Variants in ARHGAP24 observed in about 807,000 individuals in gnomAD.
ARHGAP24 encodes the protein Rho GTPase activating protein 24.
A neutral mutation model predicts 76.4 loss-of-function variants in ARHGAP24; 50 were observed. The observed-to-expected ratio is 0.65, with a 90% CI of 0.52 to 0.83. ARHGAP24 has a LOEUF of 0.83. ARHGAP24 is among the 40% of genes least tolerant of loss of function. The probability of loss-of-function intolerance (pLI) is 0.00; values close to 1 mark genes in which losing one functional copy is unlikely to be tolerated. For synonymous variants in ARHGAP24, 345 were observed against 323.3 expected (o/e 1.07, Z -0.72); for missense variants, 930 against 914.2 (o/e 1.02, Z -0.22).
At chr4:85,488,449 T>C (rs929015121) in intron 1 of ARHGAP24, among the ~76,000 whole-genome samples, 7 of 152,192 alleles carry the variant, frequency 4.6e-5, no homozygotes, top group Non-Finnish European at 1.0e-4. Flanking sequence ...TTATTCTAAA[T>C]GAAATACAGC....
At chr4:85,789,129 A>C (rs549920753) in intron 3 of ARHGAP24, among the ~76,000 whole-genome samples, 1 of 151,834 alleles carries the variant, frequency 6.6e-6, no homozygotes, top group South Asian at 2.1e-4. Context: ...CCCAGCACTC[A>C]ACCTCCAGAG....
rs1463871720 is a variant in ARHGAP24, at chr4:85,977,661, A to G, written c.898A>G (p.Lys300Glu). 1 of 1,613,934 alleles carries G rather than the reference A, an allele frequency of 6.2e-7. No individual in the cohort carries two copies. Among genetic ancestry groups the G allele is most frequent in the Non-Finnish European group, 8.5e-7 (1 of 1,179,846 alleles). ...CTTTGGTCCTAATATCCTGCGCCCC[A>G]AAGTGGAAGATCCTTTGACTATCAT... ...TVFGPNILRP[K>E]VEDPLTIMEG... Residue 300 changes from lysine (K) to glutamate (E), a missense_variant, in exon 8 of 10, where the codon AAA becomes GAA. Physicochemically the swap from Lys to Glu is moderately conservative, Grantham distance 56 (BLOSUM62 1). Coordinates refer to ENST00000395184, the MANE Select transcript of ARHGAP24 (RefSeq NM_001025616.3).
At chr4:85,657,093 T>C (rs1276001495) in intron 2 of ARHGAP24, among the ~76,000 whole-genome samples, 2 of 152,212 alleles carry the variant, frequency 1.3e-5, no homozygotes, top group Non-Finnish European at 2.9e-5. Flanking sequence ...ATAATTTTTG[T>C]CTCGTTTTTA....
chr4:85,489,821 G>A (rs960834020), intron 1 of ARHGAP24, among the ~76,000 whole-genome samples: 1 of 152,136 alleles, frequency 6.6e-6, no homozygotes, highest in Admixed American at 6.5e-5. Flanking sequence ...TGGCTTGTGA[G>A]GGTTAGAACT....
intron 1 of ARHGAP24, among the ~76,000 whole-genome samples, chr4:85,482,481 A>C (rs1276139883): frequency 6.6e-6 from 1 of 152,086 alleles, no homozygotes; most frequent in African/African-American, 2.4e-5. Flanking sequence ...GAACTGCCTC[A>C]TGAGGAGCTC....
At chr4:85,659,679 G>C (rs570284516) in intron 2 of ARHGAP24, among the ~76,000 whole-genome samples, 3 of 152,262 alleles carry the variant, frequency 2.0e-5, no homozygotes, top group Admixed American at 6.5e-5. Flanking sequence ...CATAAGGGTT[G>C]TAATTACTAT....
intron 3 of ARHGAP24, among the ~76,000 whole-genome samples, chr4:85,881,470 T>A (rs76707547): frequency 2.8e-4 from 41 of 146,026 alleles, no homozygotes; most frequent in African/African-American, 9.1e-4. Context: ...GTTTTTTTTT[T>A]AATTTTTTAA....
chr4:85,965,676 A>G (rs1465419775), intron 5 of ARHGAP24, among the ~76,000 whole-genome samples: 2 of 152,176 alleles, frequency 1.3e-5, no homozygotes, highest in Admixed American at 6.6e-5. Context: ...TAAAATATCA[A>G]TGCCAAAGCT....
chr4:85,606,189 AGG>A (rs899387637), intron 2 of ARHGAP24, among the ~76,000 whole-genome samples: 1 of 152,196 alleles, frequency 6.6e-6, no homozygotes, highest in Non-Finnish European at 1.5e-5. Context: ...CAGACCTCAA[AGG>A]GGCATTTAGG....
rs564544625 is a variant in ARHGAP24 at position 85,948,670 on chromosome 4, G to A, written c.599+6397G>A. On this transcript the variant is annotated intron_variant, in intron 5 of 9. Coordinates refer to ENST00000395184, the MANE Select transcript of ARHGAP24 (RefSeq NM_001025616.3). ...AAATGTATGTATTTTTGCATAAAAC[G>A]CACCAATGCATAAACAGACTGAAGA... 3.3e-5 allele frequency among the ~76,000 whole-genome samples: 5 copies of A among 152,142 alleles called. No homozygotes were observed. In the South Asian group the frequency reaches 6.2e-4, roughly 19 times the overall value.
intron 2 of ARHGAP24, among the ~76,000 whole-genome samples, chr4:85,687,031 C>T (rs547767280): frequency 2.0e-5 from 3 of 152,056 alleles, no homozygotes; most frequent in Non-Finnish European, 2.9e-5. Flanking sequence ...GGGGAGAAAA[C>T]ATACCTGTAT....
chr4:85,778,758 C>T (rs1317143489), intron 3 of ARHGAP24: 14 of 985,174 alleles, frequency 1.4e-5, no homozygotes, highest in Non-Finnish European at 1.7e-5. Flanking sequence ...AAATTAGCTA[C>T]AGGAAGAGTT....
At chr4:85,502,181 G>C (rs939061631) in intron 1 of ARHGAP24, among the ~76,000 whole-genome samples, 2 of 152,092 alleles carry the variant, frequency 1.3e-5, no homozygotes, top group African/African-American at 4.8e-5. Flanking sequence ...TGTTCTTTTT[G>C]CTTAGGATTG....
At chr4:85,612,551 T>A (rs1036884990) in intron 2 of ARHGAP24, among the ~76,000 whole-genome samples, 1 of 152,106 alleles carries the variant, frequency 6.6e-6, no homozygotes, top group Non-Finnish European at 1.5e-5. Context: ...TCTAAAGCTG[T>A]ATACTAAAAG....
intron 2 of ARHGAP24, among the ~76,000 whole-genome samples, chr4:85,676,049 A>G (rs973393058): frequency 2.4e-4 from 36 of 152,210 alleles, no homozygotes; most frequent in African/African-American, 8.7e-4. Flanking sequence ...TTCCTAAGTT[A>G]TAAATAATTG....
At chr4:85,612,255 A>G (rs1327800800) in intron 2 of ARHGAP24, among the ~76,000 whole-genome samples, 2 of 151,986 alleles carry the variant, frequency 1.3e-5, no homozygotes, top group East Asian at 3.9e-4. Flanking sequence ...CGTCTCTACT[A>G]AAAATACAAA....
chr4:85,778,068 G>C (rs529918103), intron 3 of ARHGAP24, among the ~76,000 whole-genome samples: 20 of 152,252 alleles, frequency 1.3e-4, no homozygotes, highest in African/African-American at 3.6e-4. Context: ...TAGTATCACT[G>C]ATACTAGGTA....
At chr4:85,796,815 C>G (rs994472625) in intron 3 of ARHGAP24, among the ~76,000 whole-genome samples, 1 of 152,138 alleles carries the variant, frequency 6.6e-6, no homozygotes, top group Non-Finnish European at 1.5e-5. Context: ...CTAGACCTCA[C>G]GGTGGTGCTG....
chr4:85,979,051 G>A (rs1739492867), intron 8 of ARHGAP24, among the ~76,000 whole-genome samples: 1 of 152,086 alleles, frequency 6.6e-6, no homozygotes. Flanking sequence ...GTCTGGATTT[G>A]TTGATCCACG....
Sources: gnomAD v4.1 joint callset for allele counts (sites outside exome capture counted in the v4.1 genomes callset) on GRCh38, gnomAD v4.1.1 for gene constraint, MANE v1.5 for transcripts, NCBI Gene and HGNC (gene_info 2026-07-23, HGNC 2026-07-21) for gene names.